The following AP4S1 variants were observed in gnomAD, a reference collection of about 807,000 sequenced individuals.
AP4S1 encodes adaptor related protein complex 4 subunit sigma 1, also known as AP-4 complex subunit sigma-1.
In AP4S1, 23 loss-of-function variants were observed where a neutral mutation model predicts 19.8. The observed-to-expected ratio is 1.16, with a 90% CI of 0.84 to 1.65. The LOEUF is 1.65. Among genes scored for constraint, AP4S1 ranks in the 40% most tolerant of loss-of-function variants. The probability of loss-of-function intolerance (pLI) is 0.00; values close to 1 mark genes in which losing one functional copy is unlikely to be tolerated. For missense variants in AP4S1, 166 were observed against 172.8 expected, an observed-to-expected ratio of 0.96 and a Z score of 0.22; for synonymous variants, 46 against 54.1, an observed-to-expected ratio of 0.85 and a Z score of 0.66.
intron 1 of AP4S1, chr14:31,026,073 G>A (rs1482191165): frequency 2.0e-6 from 3 of 1,530,030 alleles, no homozygotes; most frequent in East Asian, 2.6e-5. Context: ...CCCGCCGCCC[G>A]CCGCTCCGTT....
rs768739172 is a variant in AP4S1 at position 31,026,021 on chromosome 14, G to A, written c.-72+234G>A. ...TGTACTGCTGCGGCCGGGACAGCTCGGGGCCTGCCGCGGGACCCGCTCCCT... is the reference window on the plus strand; with the variant it reads ...TGTACTGCTGCGGCCGGGACAGCTCAGGGCCTGCCGCGGGACCCGCTCCCT... On this transcript the variant is annotated intron_variant, in intron 1 of 5. Coordinates refer to ENST00000542754, the MANE Select transcript of AP4S1 (RefSeq NM_001128126.3). 7 of 1,541,660 alleles carry A rather than the reference G, an allele frequency of 4.5e-6. No homozygotes were observed. The East Asian group carries it at 1.0e-4, about 22-fold the overall frequency.
chr14:31,026,149 C>G, intron 1 of AP4S1: 1 of 1,489,828 alleles, frequency 6.7e-7, no homozygotes, highest in Non-Finnish European at 8.9e-7. Flanking sequence ...GCCGCCATCC[C>G]CGGGCCGCCA....
chr14:31,066,378 C>T (rs555241366), intron 2 of AP4S1, 44 bp downstream of exon 2: 2 of 1,612,568 alleles, frequency 1.2e-6, no homozygotes, highest in African/African-American at 1.3e-5. Flanking sequence ...TCAACTCAGC[C>T]TTGGCAGATT....
At chr14:31,063,385 G>A (rs542910371) in intron 1 of AP4S1, among the ~76,000 whole-genome samples, 3 of 152,104 alleles carry the variant, frequency 2.0e-5, no homozygotes, top group East Asian at 1.9e-4. Flanking sequence ...AACTGAGATC[G>A]ACTGCACCAT....
At position 31,031,713 on chromosome 14, in the gene AP4S1, C is replaced by T. The variant is rs1223237201; in HGVS notation, c.-72+5926C>T. Among the ~76,000 whole-genome samples, 6 of 152,172 alleles carry T rather than the reference C, an allele frequency of 3.9e-5. 1 individual carries two copies. Among genetic ancestry groups the T allele is most frequent in the Non-Finnish European group, 8.8e-5 (6 of 68,034 alleles). On this transcript the variant is annotated intron_variant, in intron 1 of 5. Transcript: ENST00000542754. ...AATGAGCTCACCCAAGCCACATTAT[C>T]ACCTACAACTCACCTAACTGGAACT... is the stretch of plus-strand genomic sequence containing the variant.
chr14:31,030,621 T>G (rs1475121786), intron 1 of AP4S1, among the ~76,000 whole-genome samples: 1 of 152,198 alleles, frequency 6.6e-6, no homozygotes, highest in East Asian at 1.9e-4. Flanking sequence ...AGTGGTAAGA[T>G]TACAGGCATA....
upstream of AP4S1, chr14:31,025,259 A>G (rs996759889): frequency 1.3e-5 from 2 of 152,998 alleles, no homozygotes; most frequent in Non-Finnish European, 2.9e-5. Flanking sequence ...TAAGTAAGGA[A>G]TAACTACAGA....
intron 5 of AP4S1, chr14:31,086,165 TG>T (rs1887911476): frequency 6.6e-6 from 1 of 152,192 alleles, no homozygotes; most frequent in Non-Finnish European, 1.5e-5. Flanking sequence ...TGGGAGATAA[TG>T]TCAGCCTGAT....
At chr14:31,044,819 T>C (rs1489675005) in intron 1 of AP4S1, among the ~76,000 whole-genome samples, 4 of 152,152 alleles carry the variant, frequency 2.6e-5, no homozygotes, top group Non-Finnish European at 5.9e-5. Context: ...ATCGTTCACA[T>C]TTCCTAAGAT....
rs758966011 is a variant in AP4S1 at position 31,053,589 on chromosome 14, C to CTTTTT, written c.-71-12512_-71-12508dup. On this transcript the variant is annotated intron_variant, in intron 1 of 5. Transcript: ENST00000542754. The stretch of plus-strand genomic sequence containing the variant: ...AACACATCTTTTTAGTGACTTTTTT[C>CTTTTT]TTTTTTTTTTTTTTTTTTTTTTTTT... Among the ~76,000 whole-genome samples the CTTTTT allele has an allele frequency of 3.8e-3, 270 of 71,210 alleles. 1 individual carries two copies. Among genetic ancestry groups the CTTTTT allele is most frequent in the African/African-American group, 6.0e-3 (104 of 17,442 alleles). 46.7% of individuals were successfully genotyped at this position (71,210 alleles called of 152,430 possible). A position where few individuals can be genotyped will look rare whatever the true frequency, so the allele number is the denominator to read the frequency against.
intron 4 of AP4S1, 82 bp downstream of exon 4, chr14:31,073,055 C>T (rs773195522): frequency 1.7e-6 from 2 of 1,165,270 alleles, no homozygotes; most frequent in South Asian, 2.5e-5. Flanking sequence ...ATATCAAGAA[C>T]ATGTGTTAAT....
chr14:31,051,917 T>G (rs886908676), intron 1 of AP4S1, among the ~76,000 whole-genome samples: 17 of 152,132 alleles, frequency 1.1e-4, no homozygotes, highest in Non-Finnish European at 4.4e-5. Flanking sequence ...TACCTCAGCT[T>G]CCCAAAGTGC....
chr14:31,039,165 G>A (rs1056727184), intron 1 of AP4S1, among the ~76,000 whole-genome samples: 1 of 151,980 alleles, frequency 6.6e-6, no homozygotes, highest in Admixed American at 6.6e-5. Context: ...ATGGAGCCTA[G>A]CCTTAATGTA....
chr14:31,076,672 G>T (rs1395871629), intron 4 of AP4S1, among the ~76,000 whole-genome samples: 2 of 152,094 alleles, frequency 1.3e-5, no homozygotes, highest in Admixed American at 1.3e-4. Flanking sequence ...CCAATGAATT[G>T]TCTTGGCCCC....
At chr14:31,057,085 C>CA in intron 1 of AP4S1, among the ~76,000 whole-genome samples, 2 of 151,256 alleles carry the variant, frequency 1.3e-5, no homozygotes, top group Non-Finnish European at 3.0e-5. Context: ...AAAAACAGAA[C>CA]AAAAAAAAGC....
chr14:31,086,658 C>T (rs889223044), intron 5 of AP4S1, among the ~76,000 whole-genome samples: 6 of 152,028 alleles, frequency 3.9e-5, no homozygotes, highest in African/African-American at 1.4e-4. Flanking sequence ...TCAGGTGATC[C>T]GCCCCCTTTG....
chr14:31,067,628 C>T (rs1465460888), intron 2 of AP4S1, among the ~76,000 whole-genome samples: 1 of 151,648 alleles, frequency 6.6e-6, no homozygotes, highest in African/African-American at 2.4e-5. Context: ...AAGCGATTCT[C>T]CCGCCTCAGC....
chr14:31,063,156 C>T (rs1166963377), intron 1 of AP4S1, among the ~76,000 whole-genome samples: 2 of 151,756 alleles, frequency 1.3e-5, no homozygotes, highest in South Asian at 2.1e-4. Flanking sequence ...AAAGGCCGAG[C>T]GCAGTGACTC....
chr14:31,076,283 G>T (rs1887358468), intron 4 of AP4S1, among the ~76,000 whole-genome samples: 1 of 152,126 alleles, frequency 6.6e-6, no homozygotes, highest in Non-Finnish European at 1.5e-5. Context: ...GTGCATGAGG[G>T]TTTCAATTTC....
Sources: gnomAD v4.1 joint callset for allele counts (sites outside exome capture counted in the v4.1 genomes callset) on GRCh38, gnomAD v4.1.1 for gene constraint, MANE v1.5 for transcripts, NCBI Gene and HGNC (gene_info 2026-07-23, HGNC 2026-07-21) for gene names.